Variants in CCDC198 observed in about 807,000 individuals in gnomAD.
CCDC198 encodes the protein factor associated with metabolism and energy.
Under a neutral mutation model 35.6 loss-of-function variants are expected in CCDC198, and 18 were observed. The ratio of observed to expected loss-of-function variants is 0.51; its 90% CI spans 0.35 to 0.75. CCDC198 has a LOEUF of 0.75. Among genes scored for constraint, CCDC198 ranks in the 30% least tolerant of loss-of-function variants. CCDC198 has a pLI of 0.01. For synonymous variants in CCDC198, 119 were observed against 113.4 expected, an observed-to-expected ratio of 1.05 and a Z score of -0.31; for missense variants, 365 against 343.7, an observed-to-expected ratio of 1.06 and a Z score of -0.49.
At position 57,475,464 on chromosome 14, in the gene CCDC198, G is replaced by A. The variant is rs558513972; in HGVS notation, c.656-3874C>T. On this transcript the variant is annotated intron_variant, in intron 5 of 5. Coordinates refer to ENST00000216445, the MANE Select transcript of CCDC198 (RefSeq NM_018168.4). ...TAAGACATCAATTGTGGCCAGGCGC[G>A]GTGGCTCATGCCTGTAATCGGATCA... is the stretch of plus-strand genomic sequence containing the variant. 3.8e-4 allele frequency: 468 copies of A among 1,236,414 alleles called. 2 individuals are homozygous for A. The African/African-American group carries it at 4.9e-3, about 13-fold the overall frequency. The allele number at this position is 1,236,414 out of a possible 1,614,324, so 76.6% of individuals were successfully genotyped here. A position where few individuals can be genotyped will look rare whatever the true frequency, so the allele number is the denominator to read the frequency against.
intron 2 of CCDC198, among the ~76,000 whole-genome samples, chr14:57,486,814 T>G (rs2067377194): frequency 6.6e-6 from 1 of 152,200 alleles, no homozygotes; most frequent in Non-Finnish European, 1.5e-5. Context: ...TCTTCCATTT[T>G]CAGCCTTTCT....
intron 5 of CCDC198, among the ~76,000 whole-genome samples, chr14:57,476,863 G>A (rs917038630): frequency 2.0e-5 from 3 of 152,208 alleles, no homozygotes; most frequent in Non-Finnish European, 4.4e-5. Flanking sequence ...GTAGGAGAAA[G>A]CGAACTACTT....
At position 57,483,156 on chromosome 14, in the gene CCDC198, A is replaced by T. The variant is rs1247452298; in HGVS notation, c.307-5T>A. ...CAAGTCAATGGGTTCAAGCTTCTAG[A>T]AGTTCAACGTTTAGAGCAGTCAGCA... On this transcript the variant is annotated splice_region_variant and splice_polypyrimidine_tract_variant and intron_variant, in intron 2 of 5. Coordinates refer to ENST00000216445, the MANE Select transcript of CCDC198 (RefSeq NM_018168.4). 4 of 1,614,030 alleles carry T rather than the reference A, an allele frequency of 2.5e-6. No individual in the cohort carries two copies. Among genetic ancestry groups the T allele is most frequent in the Non-Finnish European group, 3.4e-6 (4 of 1,179,958 alleles).
intron 5 of CCDC198, chr14:57,475,463 C>G: frequency 8.1e-7 from 1 of 1,239,342 alleles, no homozygotes; most frequent in Non-Finnish European, 1.0e-6. Flanking sequence ...TGGCCAGGCG[C>G]GGTGGCTCAT....
At chr14:57,479,684 CTTAAAG>C (rs1218203093) in intron 5 of CCDC198, among the ~76,000 whole-genome samples, 2 of 152,156 alleles carry the variant, frequency 1.3e-5, no homozygotes, top group Non-Finnish European at 2.9e-5. Context: ...TTAAGAATCA[CTTAAAG>C]TTAAGTGTTT....
chr14:57,490,889 TG>T, intron 2 of CCDC198, 99 bp downstream of exon 2: 1 of 1,102,594 alleles, frequency 9.1e-7, no homozygotes, highest in Non-Finnish European at 1.3e-6. Context: ...ATTAATAGCT[TG>T]GTCCTTATCA....
intron 5 of CCDC198, chr14:57,475,788 C>CTT (rs548486752): frequency 0.014 from 1,485 of 108,710 alleles, 170 homozygotes; most frequent in Middle Eastern, 0.03. Flanking sequence ...CACTTAGCTT[C>CTT]TTTTTTTTTT....
chr14:57,488,334 T>A (rs2067437127), intron 2 of CCDC198, among the ~76,000 whole-genome samples: 1 of 152,174 alleles, frequency 6.6e-6, no homozygotes, highest in Admixed American at 6.5e-5. Context: ...CTTTGATTAA[T>A]CATGTTAGTT....
At chr14:57,483,640 A>C (rs1428433324) in intron 2 of CCDC198, among the ~76,000 whole-genome samples, 1 of 152,222 alleles carries the variant, frequency 6.6e-6, no homozygotes, top group East Asian at 1.9e-4. Context: ...ATGAAACTGC[A>C]GTGTGCTAAC....
intron 2 of CCDC198, among the ~76,000 whole-genome samples, chr14:57,487,068 G>C (rs575200689): frequency 3.1e-4 from 47 of 152,270 alleles, no homozygotes; most frequent in Middle Eastern, 3.4e-3. Flanking sequence ...TAACCAGTCA[G>C]ATGAAATTGC....
rs747373215 is a variant in CCDC198 at position 57,480,605 on chromosome 14, G to T, written c.645C>A (p.Asn215Lys). Residue 215 changes from asparagine to lysine, a missense_variant, in exon 5 of 6, where the codon AAC (asparagine) becomes AAA (lysine). By Grantham distance (94) the Asn-to-Lys change is moderately conservative (BLOSUM62 0). Coordinates refer to ENST00000216445, the MANE Select transcript of CCDC198 (RefSeq NM_018168.4). ...LLTMLPDEIL[N>K]RGPGNSKNTE... Reference sequence around the variant, plus strand: ...TTGTACATGACTCACCGGGACCTCTGTTCAAGATTTCATCAGGCAACATGG... The same window carrying T: ...TTGTACATGACTCACCGGGACCTCTTTTCAAGATTTCATCAGGCAACATGG... 5.0e-6 allele frequency: 8 copies of T among 1,613,820 alleles called. No homozygotes were observed. Among genetic ancestry groups the T allele is most frequent in the Non-Finnish European group, 6.8e-6 (8 of 1,179,972 alleles).
chr14:57,487,716 T>G (rs150842300), intron 2 of CCDC198, among the ~76,000 whole-genome samples: 2,221 of 152,280 alleles, frequency 0.015, 26 homozygotes, highest in Non-Finnish European at 0.019. Context: ...CTCAAATAAT[T>G]TAGCATACAA....
chr14:57,480,669 A>G lies in CCDC198; in HGVS notation c.581T>C (p.Leu194Pro). 1.2e-6 allele frequency: 2 copies of G among 1,614,148 alleles called. No individual in the cohort carries two copies. The highest frequency in any genetic ancestry group is 1.7e-6 in the Non-Finnish European group (2 of 1,180,008). ...SPRDHKAKKT[L>P]QSTPRNDDHD... ...GTCATCATTCCTTGGGGTGCTTTGAAGGGTTTTCTTGGCTTTATGGTCCCT... is the reference window on the plus strand; with the variant it reads ...GTCATCATTCCTTGGGGTGCTTTGAGGGGTTTTCTTGGCTTTATGGTCCCT... The change falls in exon 5 of 6, where the codon CTT (leucine) becomes CCT (proline). Residue 194 changes from leucine to proline, a missense_variant. Coordinates refer to ENST00000216445, the MANE Select transcript of CCDC198 (RefSeq NM_018168.4).
At chr14:57,476,074 A>G (rs2066988107) in intron 5 of CCDC198, among the ~76,000 whole-genome samples, 1 of 151,980 alleles carries the variant, frequency 6.6e-6, no homozygotes, top group African/African-American at 2.4e-5. Context: ...AAGTGCTGGG[A>G]TTACAGGCAT....
At chr14:57,489,980 T>C (rs1464214125) in intron 2 of CCDC198, among the ~76,000 whole-genome samples, 3 of 152,178 alleles carry the variant, frequency 2.0e-5, no homozygotes, top group Non-Finnish European at 4.4e-5. Flanking sequence ...TAAATAATGA[T>C]TTTATAGTTT....
At chr14:57,471,727 ATAAT>A (rs910301553) in intron 5 of CCDC198, 137 bp from the exon 6 acceptor site, 131 of 65,418 alleles carry the variant, frequency 2.0e-3, no homozygotes, top group Admixed American at 6.5e-3. Flanking sequence ...ATATATATAT[ATAAT>A]ATATATATAT....
Position 57,483,164 on chromosome 14 carries a change from C to G in CCDC198, c.307-13G>C. On this transcript the variant is annotated splice_polypyrimidine_tract_variant and intron_variant, in intron 2 of 5. Transcript: ENST00000216445. ...TGGGTTCAAGCTTCTAGAAGTTCAA[C>G]GTTTAGAGCAGTCAGCATTCCTCAT... is the stretch of plus-strand genomic sequence containing the variant. 2.5e-6 allele frequency: 4 copies of G among 1,613,938 alleles called. No homozygotes were observed. The highest frequency in any genetic ancestry group is 3.4e-6 in the Non-Finnish European group (4 of 1,179,920).
chr14:57,490,131 CT>C (rs1329467213), intron 2 of CCDC198, among the ~76,000 whole-genome samples: 1 of 152,086 alleles, frequency 6.6e-6, no homozygotes, highest in Admixed American at 6.6e-5. Flanking sequence ...TCCAGTACCC[CT>C]GGGATTGGTC....
At chr14:57,476,215 T>C (rs1201828453) in intron 5 of CCDC198, among the ~76,000 whole-genome samples, 2 of 152,204 alleles carry the variant, frequency 1.3e-5, no homozygotes, top group Non-Finnish European at 2.9e-5. Context: ...GAAACTGAGG[T>C]TCCTGGAGGT....
Sources: allele counts gnomAD v4.1 joint callset (sites outside exome capture counted in the v4.1 genomes callset), GRCh38; gene constraint gnomAD v4.1.1; transcripts MANE v1.5; gene names NCBI Gene and HGNC (gene_info 2026-07-23, HGNC 2026-07-21).